The following GCSH variants were observed in gnomAD, a reference collection of about 807,000 sequenced individuals.
GCSH encodes glycine cleavage system H protein, mitochondrial.
GCSH carries 15 observed loss-of-function variants against 21.3 expected under a neutral mutation model. The ratio of observed to expected loss-of-function variants is 0.70; its 90% CI spans 0.47 to 1.08. The LOEUF is 1.08. Ranked by LOEUF, GCSH falls within the 50% of genes least tolerant of loss-of-function variation. The pLI, the probability that GCSH is intolerant of heterozygous loss-of-function variation, is 0.00. For missense variants in GCSH, 179 were observed against 217.5 expected, an observed-to-expected ratio of 0.82 and a Z score of 1.11; for synonymous variants, 59 against 84.5, an observed-to-expected ratio of 0.70 and a Z score of 1.66.
At position 81,084,569 on chromosome 16, in the gene GCSH, C is replaced by T. The variant is rs772207828; in HGVS notation, c.318G>A (p.Val106=). 13 of 1,606,680 alleles carry T rather than the reference C, an allele frequency of 8.1e-6. No individual in the cohort carries two copies. The African/African-American group carries it at 1.5e-4, about 18-fold the overall frequency. ...GAGAATAGAGTTCACTAGCAGCTTT[C>T]ACACTTTCCAAAGCACCAAACTCAT... is the stretch of plus-strand genomic sequence containing the variant. ...KQDEFGALES[V]KAASELYSPL... Residue 106 remains valine (V), a synonymous_variant, in exon 4 of 5, where the codon GTG becomes GTA. Coordinates refer to ENST00000315467, the MANE Select transcript of GCSH (RefSeq NM_004483.5).
intron 4 of GCSH, chr16:81,084,110 A>G (rs1239573648): frequency 1.6e-4 from 59 of 373,178 alleles, no homozygotes; most frequent in Non-Finnish European, 4.4e-5. Flanking sequence ...CTCCCTAGTA[A>G]CTGAGACTAC....
chr16:81,094,468 G>A (rs1840253055), intron 1 of GCSH, among the ~76,000 whole-genome samples: 1 of 151,350 alleles, frequency 6.6e-6, no homozygotes, highest in Admixed American at 6.6e-5. Flanking sequence ...TCCTGCCACT[G>A]GATGCCAGCC....
intron 1 of GCSH, among the ~76,000 whole-genome samples, chr16:81,092,489 C>A (rs1261149684): frequency 6.6e-6 from 1 of 152,060 alleles, no homozygotes; most frequent in Non-Finnish European, 1.5e-5. Context: ...GCGTGTAATC[C>A]CAGCACTTTG....
rs1972461707 is a variant in GCSH, at chr16:81,094,560, T to C, written c.148+1571A>G. Among the ~76,000 whole-genome samples, 3 of 151,990 alleles carry C rather than the reference T, an allele frequency of 2.0e-5. No individual in the cohort carries two copies. The South Asian group carries it at 6.2e-4, about 31-fold the overall frequency. ...CCACAGACTTGAAACTAAATTCTTA[T>C]CTGAGAAATGCTTTACCTTTGTATT... On this transcript the variant is annotated intron_variant, in intron 1 of 4. Transcript: ENST00000315467.
chr16:81,093,091 C>A (rs907892382), intron 1 of GCSH, among the ~76,000 whole-genome samples: 1 of 148,118 alleles, frequency 6.8e-6, no homozygotes, highest in Non-Finnish European at 1.5e-5. Flanking sequence ...GAGATTGCAC[C>A]ATTGCCTGGG....
At chr16:81,085,292 C>G (rs889269476) in intron 3 of GCSH, among the ~76,000 whole-genome samples, 1 of 152,124 alleles carries the variant, frequency 6.6e-6, no homozygotes, top group Non-Finnish European at 1.5e-5. Flanking sequence ...GGATTATAAC[C>G]GTGAGCCACC....
chr16:81,096,157 AG>A lies in GCSH; in HGVS notation c.121del (p.Leu41CysfsTer20). On this transcript the variant is annotated frameshift_variant, in exon 1 of 5. Coordinates refer to ENST00000315467, the MANE Select transcript of GCSH (RefSeq NM_004483.5). LOFTEE classifies it high-confidence loss of function. ...CGAGAGCAGAGCGGGTCCAGTGCGCAGCGTACGGACGGCGCCCACCCCCAGC... is the reference window on the plus strand; with the variant it reads ...CGAGAGCAGAGCGGGTCCAGTGCGCACGTACGGACGGCGCCCACCCCCAGC... ...WQLGVGAVRT[L>X]RTGPALLSVR... 7.6e-7 allele frequency: 1 copy of A among 1,312,778 alleles called. No individual in the cohort carries two copies. The allele number at this position is 1,312,778 out of a possible 1,614,324, so 81.3% of individuals were successfully genotyped here.
At chr16:81,091,686 A>G (rs1567589652) in intron 1 of GCSH, among the ~76,000 whole-genome samples, 1 of 152,196 alleles carries the variant, frequency 6.6e-6, no homozygotes, top group Non-Finnish European at 1.5e-5. Context: ...GGCTCATTTT[A>G]CCCCTTACCC....
chr16:81,089,647 G>A (rs1033101710), intron 2 of GCSH, among the ~76,000 whole-genome samples: 14 of 141,982 alleles, frequency 9.9e-5, no homozygotes, highest in Admixed American at 1.3e-4. Flanking sequence ...TAAGTGACAC[G>A]AGTGCATTCC....
At chr16:81,094,951 G>C (rs142512654) in intron 1 of GCSH, among the ~76,000 whole-genome samples, 98 of 152,154 alleles carry the variant, frequency 6.4e-4, no homozygotes, top group African/African-American at 2.2e-3. Flanking sequence ...AACTCAGCTG[G>C]AGGTGGTGAC....
rs1445703973 is a variant in GCSH, at chr16:81,082,973, A to G, written c.425-10T>C. The G allele has an allele frequency of 2.0e-6, 3 of 1,530,096 alleles. No homozygotes were observed. The highest frequency in any genetic ancestry group is 2.2e-5 in the South Asian group (2 of 89,392). The allele number at this position is 1,530,096 out of a possible 1,614,324, so 94.8% of individuals were successfully genotyped here. ...ATCTTGATCAGCCAACCTGCAACCA[A>G]AAGACAACCTTATATTCCACATTAA... On this transcript the variant is annotated splice_polypyrimidine_tract_variant and intron_variant, in intron 4 of 4. Transcript: ENST00000315467.
At chr16:81,093,038 A>G (rs1972427865) in intron 1 of GCSH, among the ~76,000 whole-genome samples, 1 of 151,856 alleles carries the variant, frequency 6.6e-6, no homozygotes, top group Non-Finnish European at 1.5e-5. Flanking sequence ...AGGCTGAGGC[A>G]GGAGAATCAC....
intron 4 of GCSH, 127 bp from the exon 5 acceptor site, chr16:81,083,090 C>T: frequency 2.7e-6 from 2 of 731,668 alleles, no homozygotes; most frequent in Non-Finnish European, 5.1e-6. Context: ...ATTATTTGTT[C>T]ATAGAACTTT....
In GCSH at chr16:81,096,392, C is replaced by T; in HGVS notation, c.-114G>A. ...AGCCGGCTGGATGGAGGCGCGGAGG[C>T]GGTGCCGCGGGGGCGGGACAGAGCC... is the stretch of plus-strand genomic sequence containing the variant. On this transcript the variant is annotated 5_prime_UTR_variant, in exon 1 of 5. Transcript: ENST00000315467. 3.6e-6 allele frequency: 3 copies of T among 831,404 alleles called. No individual in the cohort carries two copies. Among genetic ancestry groups the T allele is most frequent in the Non-Finnish European group, 1.7e-6 (1 of 605,530 alleles). The allele number at this position is 831,404 out of a possible 1,614,324, so 51.5% of individuals were successfully genotyped here. A position where few individuals can be genotyped will look rare whatever the true frequency, so the allele number is the denominator to read the frequency against.
At chr16:81,091,578 C>G (rs79849246) in intron 1 of GCSH, among the ~76,000 whole-genome samples, 1 of 152,244 alleles carries the variant, frequency 6.6e-6, no homozygotes, top group East Asian at 1.9e-4. Context: ...ATATTAAATA[C>G]AGTTCATATT....
At chr16:81,095,377 ATTTTTT>A (rs78295348) in intron 1 of GCSH, among the ~76,000 whole-genome samples, 5 of 146,442 alleles carry the variant, frequency 3.4e-5, no homozygotes, top group African/African-American at 1.0e-4. Flanking sequence ...TGGCGCTTTA[ATTTTTT>A]TTTTTTTTTT....
rs1445508299 is a variant in GCSH, at chr16:81,082,039, C to G, written c.*827G>C. ...TTTAACAACTTAAAAACACCATGTG[C>G]TATACTGATCAAAACTTCCACCTTC... is the stretch of plus-strand genomic sequence containing the variant. On this transcript the variant is annotated 3_prime_UTR_variant, in exon 5 of 5. Transcript: ENST00000315467. 1 of 454,076 alleles carries G rather than the reference C, an allele frequency of 2.2e-6. No individual in the cohort carries two copies. The highest frequency in any genetic ancestry group is 4.4e-6 in the Non-Finnish European group (1 of 226,786). The allele number at this position is 454,076 out of a possible 1,614,324, so 28.1% of individuals were successfully genotyped here.
chr16:81,096,017 G>C, intron 1 of GCSH, 114 bp downstream of exon 1: 1 of 902,884 alleles, frequency 1.1e-6, no homozygotes, highest in Non-Finnish European at 1.5e-6. Context: ...GTCCGCGCTC[G>C]CTCCGCCCCG....
chr16:81,085,007 A>G (rs142446613), intron 3 of GCSH, among the ~76,000 whole-genome samples: 14,847 of 126,102 alleles, frequency 0.12, 852 homozygotes, highest in East Asian at 0.22. Flanking sequence ...AAGCCACTGC[A>G]CCTGGCTCTT....
Sources: gnomAD v4.1 joint callset for allele counts (sites outside exome capture counted in the v4.1 genomes callset) on GRCh38, gnomAD v4.1.1 for gene constraint, MANE v1.5 for transcripts, NCBI Gene and HGNC (gene_info 2026-07-23, HGNC 2026-07-21) for gene names.